Variants in FNBP1 observed in about 807,000 individuals in gnomAD.
FNBP1 encodes formin binding protein 1, also known as formin-binding protein 1.
Under a neutral mutation model 90.6 loss-of-function variants are expected in FNBP1, and 26 were observed. That is an observed-to-expected ratio of 0.29 (90% confidence interval 0.21 to 0.40). The LOEUF is 0.40. FNBP1 is among the 10% of genes least tolerant of loss of function. The pLI is 1.00. For synonymous variants in FNBP1, 260 were observed against 265.2 expected (o/e 0.98, Z 0.19); for missense variants, 635 against 768.0 (o/e 0.83, Z 2.05).
intron 9 of FNBP1, among the ~76,000 whole-genome samples, chr9:129,924,622 G>C (rs1316636879): frequency 6.6e-6 from 1 of 152,186 alleles, no homozygotes; most frequent in Admixed American, 6.5e-5. Context: ...TGCGGATAAA[G>C]TGTTACAGGA....
chr9:129,965,696 A>ACACG lies in FNBP1; in HGVS notation c.346-7144_346-7143insCGTG, dbSNP rs1377972944. On this transcript the variant is annotated intron_variant, in intron 4 of 16. Transcript: ENST00000446176. ...CATCTCTCTTAAAACACACACACAC[A>ACACG]CGCGCGCGCGCGCACACACACACAC... 4.1e-3 allele frequency among the ~76,000 whole-genome samples: 389 copies of ACACG among 95,052 alleles called. 1 individual carries two copies. Among genetic ancestry groups the ACACG allele is most frequent in the African/African-American group, 0.015 (335 of 22,212 alleles). The allele number at this position is 95,052 out of a possible 152,430, so 62.4% of individuals were successfully genotyped here.
At chr9:129,958,166 T>A (rs1459419197) in intron 5 of FNBP1, among the ~76,000 whole-genome samples, 1 of 152,198 alleles carries the variant, frequency 6.6e-6, no homozygotes, top group Non-Finnish European at 1.5e-5. Context: ...GTGCAGTGGC[T>A]CACGCCTGTA....
chr9:129,927,765 T>TC (rs925268565), intron 7 of FNBP1, among the ~76,000 whole-genome samples: 5 of 54,606 alleles, frequency 9.2e-5, no homozygotes, highest in South Asian at 8.8e-4. Flanking sequence ...CCACCCCCCC[T>TC]CCCCCCGCCA....
chr9:129,979,444 C>T (rs893389775), intron 2 of FNBP1, 70 bp from the exon 3 acceptor site: 109 of 1,081,802 alleles, frequency 1.0e-4, no homozygotes, highest in Non-Finnish European at 1.4e-4. Context: ...TGAAAGATAA[C>T]ATTAGTGCTT....
In FNBP1 at chr9:129,890,427, T is replaced by C. The variant is rs2034991607; in HGVS notation, c.*112A>G. ...AGAGAGAGAGACCGCCCCGCAGGGA[T>C]GGGGCTGCGGAGGGGTGGGCTGTCC... is the stretch of plus-strand genomic sequence containing the variant. On this transcript the variant is annotated 3_prime_UTR_variant, in exon 17 of 17. Transcript: ENST00000446176. This position sits in a 1 kb window ranked among gnomAD's most constrained non-coding sequence, Gnocchi z 5.8. 2.4e-6 allele frequency: 2 copies of C among 845,406 alleles called. No homozygotes were observed. The highest frequency in any genetic ancestry group is 3.9e-6 in the Non-Finnish European group (2 of 510,660). The allele number at this position is 845,406 out of a possible 1,614,324, so 52.4% of individuals were successfully genotyped here.
At chr9:130,026,908 G>A (rs1412699254) in intron 1 of FNBP1, among the ~76,000 whole-genome samples, 1 of 151,294 alleles carries the variant, frequency 6.6e-6, no homozygotes, top group African/African-American at 2.4e-5. Flanking sequence ...GGAGGTTAGA[G>A]TGAGCCAAGA....
Position 129,957,450 on chromosome 9 carries a change from A to G in FNBP1, c.423T>C (p.Phe141=). The change falls in exon 6 of 17, where the codon TTT becomes TTC. Residue 141 remains phenylalanine, a synonymous_variant. Transcript: ENST00000446176. This position sits in a 1 kb window ranked among gnomAD's most constrained non-coding sequence, Gnocchi z 4.3. ...WKQLESSKRR[F]ERDCKEADRA... ...TGTCCGCCTCTTTGCAATCGCGTTCAAATCGCCTTTTACTCTAAAATCAGA... is the reference window on the plus strand; with the variant it reads ...TGTCCGCCTCTTTGCAATCGCGTTCGAATCGCCTTTTACTCTAAAATCAGA... 6.2e-7 allele frequency: 1 copy of G among 1,613,296 alleles called. No homozygotes were observed. Among genetic ancestry groups the G allele is most frequent in the Non-Finnish European group, 8.5e-7 (1 of 1,179,304 alleles).
rs1340466630 is a variant in FNBP1, at chr9:130,042,474, G to A, written c.24+478C>T. Among the ~76,000 whole-genome samples the A allele has an allele frequency of 1.3e-5, 2 of 151,824 alleles. No homozygotes were observed. Among genetic ancestry groups the A allele is most frequent in the Non-Finnish European group, 2.9e-5 (2 of 67,918 alleles). On this transcript the variant is annotated intron_variant, in intron 1 of 16. Coordinates refer to ENST00000446176, the MANE Select transcript of FNBP1 (RefSeq NM_015033.3). This position sits in a 1 kb window ranked among gnomAD's most constrained non-coding sequence, Gnocchi z 5.5. The stretch of plus-strand genomic sequence containing the variant: ...CCGACCCCCGGCGCTCGCCCCGGCC[G>A]CCCCGCTCCCGGGGAAGTGCCCGAT...
At chr9:130,016,928 T>G (rs2057297982) in intron 1 of FNBP1, among the ~76,000 whole-genome samples, 1 of 151,732 alleles carries the variant, frequency 6.6e-6, no homozygotes, top group Admixed American at 6.6e-5. Context: ...AACAGAAGAG[T>G]CCCCTGATCT....
At chr9:129,904,009 C>T (rs28462274) in intron 12 of FNBP1, among the ~76,000 whole-genome samples, 11,644 of 152,190 alleles carry the variant, frequency 0.077, 510 homozygotes, top group Non-Finnish European at 0.097. Context: ...TGCACTCCAG[C>T]CTGGGCGACA....
At chr9:129,964,087 G>A (rs116779047) in intron 4 of FNBP1, among the ~76,000 whole-genome samples, 167 of 152,218 alleles carry the variant, frequency 1.1e-3, no homozygotes, top group African/African-American at 3.8e-3. Flanking sequence ...CTCTATCTTC[G>A]CTGCTTTCAC....
chr9:129,918,389 G>A (rs140189051), intron 10 of FNBP1, among the ~76,000 whole-genome samples: 1 of 152,170 alleles, frequency 6.6e-6, no homozygotes, highest in Non-Finnish European at 1.5e-5. Flanking sequence ...TAATTTTGAA[G>A]ATTTCATTAA....
chr9:129,994,346 G>C (rs547821267), intron 2 of FNBP1, among the ~76,000 whole-genome samples: 2 of 152,128 alleles, frequency 1.3e-5, no homozygotes, highest in Non-Finnish European at 2.9e-5. Context: ...CTCATGTAAA[G>C]TTCAAAAGTG....
chr9:130,023,129 G>T (rs572460934), intron 1 of FNBP1, among the ~76,000 whole-genome samples: 9 of 151,976 alleles, frequency 5.9e-5, no homozygotes, highest in East Asian at 1.9e-4. Flanking sequence ...AGGGAGGGGG[G>T]AATTTACTCA....
intron 1 of FNBP1, among the ~76,000 whole-genome samples, chr9:130,038,272 G>C (rs1019140102): frequency 4.0e-5 from 6 of 149,638 alleles, no homozygotes; most frequent in African/African-American, 4.9e-5. Context: ...GGAGAATGGC[G>C]TCAACCCGGG....
intron 1 of FNBP1, among the ~76,000 whole-genome samples, chr9:129,998,066 T>G (rs1356830721): frequency 6.6e-6 from 1 of 150,804 alleles, no homozygotes; most frequent in East Asian, 2.0e-4. Context: ...CATGGTGGCA[T>G]GCACCTGTAA....
chr9:130,042,592 C>A lies in FNBP1; in HGVS notation c.24+360G>T, dbSNP rs1247324676. Among the ~76,000 whole-genome samples the A allele has an allele frequency of 6.6e-6, 1 of 151,762 alleles. No individual in the cohort carries two copies. The highest frequency in any genetic ancestry group is 2.0e-4 in the East Asian group (1 of 5,100). ...CGCGCAGCCGGGGCCTCCACGCCCC[C>A]ACGCCCGGTCCCGGCCCTCCCCGGG... On this transcript the variant is annotated intron_variant, in intron 1 of 16. Transcript: ENST00000446176. This position sits in a 1 kb window ranked among gnomAD's most constrained non-coding sequence, Gnocchi z 5.5.
At chr9:129,923,592 A>C (rs2041441251) in intron 10 of FNBP1, among the ~76,000 whole-genome samples, 1 of 150,830 alleles carries the variant, frequency 6.6e-6, no homozygotes, top group Non-Finnish European at 1.5e-5. Context: ...AAAAAAAAAA[A>C]GAAAGAAACA....
the FNBP1 span, among the ~76,000 whole-genome samples, chr9:130,051,211 A>AT: frequency 6.6e-6 from 1 of 151,626 alleles, no homozygotes; most frequent in Non-Finnish European, 1.5e-5. Context: ...TAATTTTTGT[A>AT]TTTTTTGTAG....
Sources: allele counts gnomAD v4.1 joint callset (sites outside exome capture counted in the v4.1 genomes callset), GRCh38; gene constraint gnomAD v4.1.1; non-coding constraint Gnocchi (gnomAD v3.1); transcripts MANE v1.5; gene names NCBI Gene and HGNC (gene_info 2026-07-23, HGNC 2026-07-21).